FNIP2: variants seen among roughly 807,000 people sequenced by gnomAD.
FNIP2 encodes folliculin-interacting protein 2.
A neutral mutation model predicts 108.7 loss-of-function variants in FNIP2; 32 were observed. That is an observed-to-expected ratio of 0.29 (90% CI 0.22 to 0.40). The LOEUF (loss-of-function observed/expected upper bound fraction) is 0.40, where lower values mean the gene tolerates loss of function less well. FNIP2 is among the 10% of genes least tolerant of loss of function. The probability of loss-of-function intolerance (pLI) is 1.00; values close to 1 mark genes in which losing one functional copy is unlikely to be tolerated. For synonymous variants in FNIP2, 480 were observed against 496.7 expected (o/e 0.97, Z 0.45); for missense variants, 1,202 against 1,381.6 (o/e 0.87, Z 2.06).
At chr4:158,828,352 C>T (rs746847977) in intron 2 of FNIP2, among the ~76,000 whole-genome samples, 6 of 152,170 alleles carry the variant, frequency 3.9e-5, no homozygotes, top group Non-Finnish European at 7.3e-5. Context: ...CGCGGTGGCT[C>T]ACGCCTGTAA....
intron 1 of FNIP2, among the ~76,000 whole-genome samples, chr4:158,790,177 C>T (rs147695884): frequency 6.6e-6 from 1 of 151,680 alleles, no homozygotes; most frequent in East Asian, 2.0e-4. Context: ...CAAGATATCT[C>T]ATAATGTGTA....
At chr4:158,877,743 G>T (rs1433460291) in intron 14 of FNIP2, among the ~76,000 whole-genome samples, 1 of 152,220 alleles carries the variant, frequency 6.6e-6, no homozygotes, top group Non-Finnish European at 1.5e-5. Flanking sequence ...TATCTTTTAT[G>T]TGCTTGGTAC....
chr4:158,843,524 A>C (rs993512172), intron 7 of FNIP2, among the ~76,000 whole-genome samples: 2 of 152,200 alleles, frequency 1.3e-5, no homozygotes, highest in Admixed American at 1.3e-4. Context: ...AATAAAGGAG[A>C]GACAGATAAT....
rs1421553921 is a variant in FNIP2 at position 158,783,976 on chromosome 4, A to G, written c.107+14657A>G. On this transcript the variant is annotated intron_variant, in intron 1 of 16. Coordinates refer to ENST00000264433, the MANE Select transcript of FNIP2 (RefSeq NM_020840.3). The stretch of plus-strand genomic sequence containing the variant: ...GACAGGATGTGGAAGTGATGGGGAG[A>G]TACTTGTAAACAAAAAGAATAGACA... 2.6e-5 allele frequency among the ~76,000 whole-genome samples: 4 copies of G among 152,338 alleles called. No individual in the cohort carries two copies. The East Asian group carries it at 7.7e-4, about 29-fold the overall frequency.
At chr4:158,877,803 A>C (rs28718235) in intron 14 of FNIP2, among the ~76,000 whole-genome samples, 5 of 151,936 alleles carry the variant, frequency 3.3e-5, no homozygotes, top group Non-Finnish European at 7.4e-5. Context: ...CAGGGGCGTG[A>C]TGGCTGTGTG....
intron 7 of FNIP2, among the ~76,000 whole-genome samples, chr4:158,846,530 T>A (rs1442424957): frequency 6.6e-6 from 1 of 152,214 alleles, no homozygotes; most frequent in African/African-American, 2.4e-5. Flanking sequence ...CTCAGTTTGC[T>A]AACCTGAATT....
intron 1 of FNIP2, among the ~76,000 whole-genome samples, chr4:158,780,497 C>T (rs1776006020): frequency 6.6e-6 from 1 of 152,186 alleles, no homozygotes; most frequent in Non-Finnish European, 1.5e-5. Flanking sequence ...ACGCATGTCT[C>T]ATAGTTATCC....
intron 14 of FNIP2, among the ~76,000 whole-genome samples, chr4:158,887,414 G>A (rs1238764655): frequency 6.6e-6 from 1 of 152,116 alleles, no homozygotes; most frequent in African/African-American, 2.4e-5. Flanking sequence ...TTCAGTGTTT[G>A]TTTATTGTGG....
chr4:158,830,453 G>A (rs1411771531), intron 3 of FNIP2, among the ~76,000 whole-genome samples: 3 of 151,428 alleles, frequency 2.0e-5, no homozygotes, highest in Non-Finnish European at 2.9e-5. Flanking sequence ...TAGTAGAGAC[G>A]GGGTTTCACC....
rs910492908 is a variant in FNIP2, at chr4:158,828,430, A to G, written c.235-649A>G. On this transcript the variant is annotated intron_variant, in intron 2 of 16. Coordinates refer to ENST00000264433, the MANE Select transcript of FNIP2 (RefSeq NM_020840.3). Reference sequence around the variant, plus strand: ...AGAGATCAAGACCATCTTGGTCAACATGGTGAAACCCCATCTCCACTAAAA... The same window carrying G: ...AGAGATCAAGACCATCTTGGTCAACGTGGTGAAACCCCATCTCCACTAAAA... Among the ~76,000 whole-genome samples the G allele has an allele frequency of 3.9e-5, 6 of 152,198 alleles. No individual in the cohort carries two copies. The South Asian group carries it at 8.3e-4, about 21-fold the overall frequency.
intron 1 of FNIP2, among the ~76,000 whole-genome samples, chr4:158,809,293 T>C (rs1777140089): frequency 6.6e-6 from 1 of 152,132 alleles, no homozygotes; most frequent in African/African-American, 2.4e-5. Context: ...ACCCCATCTT[T>C]ACTAAAAATA....
At chr4:158,861,816 G>A (rs1336305684) in intron 12 of FNIP2, 40 bp downstream of exon 12, 4 of 1,599,400 alleles carry the variant, frequency 2.5e-6, no homozygotes, top group South Asian at 2.2e-5. Flanking sequence ...TATATGGGAT[G>A]GAATAGGAAA....
intron 1 of FNIP2, among the ~76,000 whole-genome samples, chr4:158,790,308 C>T (rs1361212353): frequency 6.6e-6 from 1 of 151,598 alleles, no homozygotes; most frequent in East Asian, 2.0e-4. Flanking sequence ...CTATACTAAA[C>T]TATAGGATCC....
intron 1 of FNIP2, among the ~76,000 whole-genome samples, chr4:158,805,406 G>T (rs951600412): frequency 2.0e-5 from 3 of 152,180 alleles, no homozygotes; most frequent in Admixed American, 6.5e-5. Context: ...TTTTTCAGAT[G>T]AAGAATATTA....
At chr4:158,822,142 G>C (rs1003048466) in intron 1 of FNIP2, among the ~76,000 whole-genome samples, 1 of 147,744 alleles carries the variant, frequency 6.8e-6, no homozygotes, top group Non-Finnish European at 1.5e-5. Context: ...ACCAAAGACA[G>C]TATTCATATG....
At chr4:158,829,884 C>T (rs1203009069) in intron 3 of FNIP2, among the ~76,000 whole-genome samples, 1 of 152,156 alleles carries the variant, frequency 6.6e-6, no homozygotes, top group Admixed American at 6.5e-5. Flanking sequence ...ATCTTTTCTA[C>T]TATTTTGCTG....
At chr4:158,843,872 A>T (rs1396514125) in intron 7 of FNIP2, among the ~76,000 whole-genome samples, 1 of 152,222 alleles carries the variant, frequency 6.6e-6, no homozygotes, top group East Asian at 1.9e-4. Context: ...CTTTCCCTAG[A>T]TGTCTCCTTG....
intron 1 of FNIP2, among the ~76,000 whole-genome samples, chr4:158,796,532 G>A (rs1776596219): frequency 6.6e-6 from 1 of 152,016 alleles, no homozygotes; most frequent in Non-Finnish European, 1.5e-5. Flanking sequence ...ACCTTCTTGG[G>A]CAAAATCATT....
chr4:158,904,642 G>A lies in FNIP2; in HGVS notation c.*98G>A, dbSNP rs1009286889. 2.8e-6 allele frequency: 3 copies of A among 1,053,514 alleles called. No individual in the cohort carries two copies. The highest frequency in any genetic ancestry group is 2.0e-5 in the Admixed American group (1 of 49,500). The allele number at this position is 1,053,514 out of a possible 1,614,324, so 65.3% of individuals were successfully genotyped here. On this transcript the variant is annotated 3_prime_UTR_variant, in exon 17 of 17. Coordinates refer to ENST00000264433, the MANE Select transcript of FNIP2 (RefSeq NM_020840.3). The stretch of plus-strand genomic sequence containing the variant: ...CTCTGTGATGTCAAAAGCATGAGAA[G>A]AGCAAACAGAAACAGTCATTCCACC...
Sources: allele counts gnomAD v4.1 joint callset (sites outside exome capture counted in the v4.1 genomes callset), GRCh38; gene constraint gnomAD v4.1.1; transcripts MANE v1.5; gene names NCBI Gene and HGNC (gene_info 2026-07-23, HGNC 2026-07-21).